Variants in INTS2 observed in about 807,000 individuals in gnomAD.
INTS2 encodes KIAA1287.
INTS2 carries 57 observed loss-of-function variants against 139.6 expected under a neutral mutation model. The observed-to-expected ratio is 0.41, with a 90% confidence interval of 0.33 to 0.51. The LOEUF (loss-of-function observed/expected upper bound fraction) is 0.51. Among genes scored for constraint, INTS2 ranks in the 20% least tolerant of loss-of-function variants. The pLI is 0.28. For synonymous variants in INTS2, 473 were observed against 493.4 expected (o/e 0.96, Z 0.55); for missense variants, 1,196 against 1,436.7 (o/e 0.83, Z 2.71).
At chr17:61,924,832 A>G (rs986927559) in intron 3 of INTS2, 129 bp downstream of exon 3, 44 of 928,056 alleles carry the variant, frequency 4.7e-5, no homozygotes, top group Non-Finnish European at 6.7e-5. Flanking sequence ...TCCGTCTCCA[A>G]AAAAAAAGAA....
chr17:61,920,838 G>A (rs989278842), intron 4 of INTS2, among the ~76,000 whole-genome samples: 4 of 151,938 alleles, frequency 2.6e-5, no homozygotes, highest in African/African-American at 7.3e-5. Flanking sequence ...TGGACAGAGT[G>A]CAATGGCACA....
At chr17:61,907,755 T>C (rs988540553) in intron 7 of INTS2, 121 bp from the exon 8 acceptor site, 2 of 706,910 alleles carry the variant, frequency 2.8e-6, no homozygotes, top group South Asian at 3.8e-5. Flanking sequence ...GAGATTGTCG[T>C]GACTACAGAA....
intron 15 of INTS2, among the ~76,000 whole-genome samples, chr17:61,889,483 C>G (rs72843749): frequency 6.6e-6 from 1 of 152,182 alleles, no homozygotes. Flanking sequence ...AATTCAGTTA[C>G]AGCTCCATCA....
Position 61,893,966 on chromosome 17 carries a change from T to C in INTS2, c.1564-67A>G, listed in dbSNP as rs148168196. ...TATAAAATTATTTTGAAAGAGAGAT[T>C]AGTAAGTAGACTGTCAACACCTAAT... On this transcript the variant is annotated intron_variant, in intron 12 of 24. Transcript: ENST00000251334. The surrounding 1 kb of genome is among the most constrained non-coding windows in gnomAD (Gnocchi z 5.4). 1.6e-5 allele frequency: 17 copies of C among 1,089,958 alleles called. No homozygotes were observed. Among genetic ancestry groups the C allele is most frequent in the Non-Finnish European group, 2.2e-5 (17 of 775,074 alleles). The allele number at this position is 1,089,958 out of a possible 1,614,324, so 67.5% of individuals were successfully genotyped here. A position where few individuals can be genotyped will look rare whatever the true frequency, so the allele number is the denominator to read the frequency against.
intron 9 of INTS2, among the ~76,000 whole-genome samples, chr17:61,900,857 C>A (rs1431882672): frequency 1.3e-5 from 2 of 152,082 alleles, no homozygotes; most frequent in Non-Finnish European, 2.9e-5. Context: ...ACTCGGGAGG[C>A]TAACACAGGA....
At chr17:61,911,889 T>C (rs2079530194) in intron 6 of INTS2, 51 bp downstream of exon 6, 1 of 1,578,256 alleles carries the variant, frequency 6.3e-7, no homozygotes, top group Non-Finnish European at 8.6e-7. Context: ...TGAGAAGAGT[T>C]CTTGGACCTA....
In INTS2 at chr17:61,876,131, G is replaced by A. The variant is rs995796853; in HGVS notation, c.2457-1093C>T. Among the ~76,000 whole-genome samples the A allele has an allele frequency of 3.9e-5, 6 of 152,166 alleles. No individual in the cohort carries two copies. The highest frequency in any genetic ancestry group is 1.4e-4 in the African/African-American group (6 of 41,446). On this transcript the variant is annotated intron_variant, in intron 18 of 24. Transcript: ENST00000251334. This position sits in a 1 kb window ranked among gnomAD's most constrained non-coding sequence, Gnocchi z 4.1. ...TACAGTGAACTATGATTGTGCCACT[G>A]CAGTCCAGCCTGGGTGACAAAGCAA...
chr17:61,865,741 G>A lies in INTS2; in HGVS notation c.*1816C>T, dbSNP rs2079039739. On this transcript the variant is annotated 3_prime_UTR_variant, in exon 25 of 25. Transcript: ENST00000251334. This position sits in a 1 kb window ranked among gnomAD's most constrained non-coding sequence, Gnocchi z 4.8. ...AAGGAGCAGTTGTATTTAATCTTAA[G>A]GGACTACAAAACTGCCTTGTTTAAA... 6.6e-6 allele frequency: 1 copy of A among 151,710 alleles called. No individual in the cohort carries two copies. The highest frequency in any genetic ancestry group is 1.5e-5 in the Non-Finnish European group (1 of 67,962). The allele number at this position is 151,710 out of a possible 1,614,324, so 9.4% of individuals were successfully genotyped here.
At chr17:61,913,502 T>C (rs886699828) in intron 5 of INTS2, among the ~76,000 whole-genome samples, 4 of 152,126 alleles carry the variant, frequency 2.6e-5, no homozygotes, top group African/African-American at 9.7e-5. Context: ...AGAGATGGGA[T>C]CTTGCTTTCT....
intron 11 of INTS2, among the ~76,000 whole-genome samples, chr17:61,896,920 T>C (rs2079355424): frequency 6.6e-6 from 1 of 152,126 alleles, no homozygotes; most frequent in African/African-American, 2.4e-5. Flanking sequence ...AAATTTATCC[T>C]AAGAAAATAA....
chr17:61,909,803 G>A lies in INTS2; in HGVS notation c.954+1717C>T, dbSNP rs565943815. The stretch of plus-strand genomic sequence containing the variant: ...TTTGTGTGTGTGTATACATATATAC[G>A]TGTGTGTGTACATGTGTGTATGTGT... On this transcript the variant is annotated intron_variant, in intron 7 of 24. Transcript: ENST00000251334. This position sits in a 1 kb window ranked among gnomAD's most constrained non-coding sequence, Gnocchi z 4.9. 5.8e-5 allele frequency among the ~76,000 whole-genome samples: 8 copies of A among 139,102 alleles called. No individual in the cohort carries two copies. Among genetic ancestry groups the A allele is most frequent in the East Asian group, 2.4e-4 (1 of 4,192 alleles). 91.3% of individuals were successfully genotyped at this position (139,102 alleles called of 152,430 possible).
At chr17:61,912,878 C>T (rs1042146807) in intron 5 of INTS2, among the ~76,000 whole-genome samples, 2 of 152,020 alleles carry the variant, frequency 1.3e-5, no homozygotes, top group African/African-American at 4.8e-5. Context: ...GAGCTCGAGA[C>T]CAGCCTGGCC....
intron 17 of INTS2, 99 bp downstream of exon 17, chr17:61,880,908 T>C (rs1480054962): frequency 2.1e-6 from 2 of 962,832 alleles, no homozygotes; most frequent in Non-Finnish European, 3.2e-6. Flanking sequence ...AACATTGTTA[T>C]ATCCATGGGA....
intron 12 of INTS2, 88 bp downstream of exon 12, chr17:61,895,227 T>A (rs974154079): frequency 7.3e-6 from 5 of 681,642 alleles, no homozygotes; most frequent in Non-Finnish European, 1.2e-5. Flanking sequence ...AAGACCATAT[T>A]ATTTTCTTAA....
intron 2 of INTS2, among the ~76,000 whole-genome samples, chr17:61,925,373 G>T (rs995433146): frequency 6.6e-6 from 1 of 152,022 alleles, no homozygotes; most frequent in Non-Finnish European, 1.5e-5. Context: ...AAGGTTGGGA[G>T]TTCGAGACCA....
chr17:61,872,408 C>A lies in INTS2; in HGVS notation c.2635G>T (p.Ala879Ser). 2 of 1,610,436 alleles carry A rather than the reference C, an allele frequency of 1.2e-6. No homozygotes were observed. Among genetic ancestry groups the A allele is most frequent in the Non-Finnish European group, 1.7e-6 (2 of 1,177,412 alleles). Residue 879 changes from alanine (A) to serine (S), a missense_variant, in exon 20 of 25, where the codon GCA becomes TCA. By Grantham distance (99) the Ala-to-Ser change is moderately conservative. This residue lies in a region of INTS2 where 1,129 missense variants were observed against 1,341.9 expected (regional missense o/e 0.84). Transcript: ENST00000251334. This position sits in a 1 kb window ranked among gnomAD's most constrained non-coding sequence, Gnocchi z 4.8. ...TGAGCACTAAGGTAGGCTTTAGATG[C>A]AAGAAGATATCCATTCAACATGTGT... Reference protein sequence around the residue: ...TLHMLNGYLLASKAYLSAHLK... With the variant: ...TLHMLNGYLLSSKAYLSAHLK...
chr17:61,867,458 A>C lies in INTS2; in HGVS notation c.*99T>G. 1 of 658,546 alleles carries C rather than the reference A, an allele frequency of 1.5e-6. No individual in the cohort carries two copies. Among genetic ancestry groups the C allele is most frequent in the Non-Finnish European group, 2.5e-6 (1 of 395,494 alleles). The allele number at this position is 658,546 out of a possible 1,614,324, so 40.8% of individuals were successfully genotyped here. On this transcript the variant is annotated 3_prime_UTR_variant, in exon 25 of 25. Coordinates refer to ENST00000251334, the MANE Select transcript of INTS2 (RefSeq NM_001351695.2). The surrounding 1 kb of genome is among the most constrained non-coding windows in gnomAD (Gnocchi z 5.6). ...TGAATTGTTTTAGTGATTCCAAGAC[A>C]ATACTTTACTGTTCCCATTCAGTTT...
intron 13 of INTS2, among the ~76,000 whole-genome samples, chr17:61,892,069 C>G (rs961962903): frequency 1.3e-5 from 2 of 152,026 alleles, no homozygotes; most frequent in Admixed American, 1.3e-4. Flanking sequence ...AGCAAACCCT[C>G]AGATAGACTA....
chr17:61,898,998 A>G (rs1309102948), intron 9 of INTS2, among the ~76,000 whole-genome samples: 2 of 152,394 alleles, frequency 1.3e-5, no homozygotes, highest in Non-Finnish European at 2.9e-5. Flanking sequence ...CAGTAAAAAT[A>G]GATGCAACAA....
Sources: gnomAD v4.1 joint callset for allele counts (sites outside exome capture counted in the v4.1 genomes callset) on GRCh38, gnomAD v4.1.1 for gene constraint, gnomAD v4.1.1 regional missense constraint, Gnocchi (gnomAD v3.1) non-coding constraint, MANE v1.5 for transcripts, NCBI Gene and HGNC (gene_info 2026-07-23, HGNC 2026-07-21) for gene names.